The following TMA7B variants were observed in gnomAD, a reference collection of about 807,000 sequenced individuals.
The protein encoded by TMA7B is translation machinery associated 7 homolog B.
chr22:39,962,232 G>A, the TMA7B span, among the ~76,000 whole-genome samples: 1 of 152,076 alleles, frequency 6.6e-6, no homozygotes, highest in Non-Finnish European at 1.5e-5. Flanking sequence ...GAGACCAGCC[G>A]GGGCAACTAG....
chr22:39,964,419 C>G, the TMA7B span: 2 of 841,658 alleles, frequency 2.4e-6, no homozygotes, highest in Non-Finnish European at 3.9e-6. Flanking sequence ...TGAAACAGCC[C>G]AAGAAGCAGG....
At chr22:39,963,332 C>T in the TMA7B span, among the ~76,000 whole-genome samples, 1 of 152,214 alleles carries the variant, frequency 6.6e-6, no homozygotes, top group South Asian at 2.1e-4. Context: ...CCTTGTAGAC[C>T]CAGATAACCA....
the TMA7B span, chr22:39,964,492 C>T: frequency 3.9e-6 from 4 of 1,030,286 alleles, no homozygotes; most frequent in Non-Finnish European, 4.5e-6. Context: ...GCAGAAGAAA[C>T]TCGAGGTGCT....
the TMA7B span, chr22:39,960,545 C>T: frequency 4.9e-6 from 1 of 204,888 alleles, no homozygotes; most frequent in African/African-American, 2.2e-5. Flanking sequence ...AGGAGGAGAA[C>T]TCCCACTTGT....
At chr22:39,963,372 T>G in the TMA7B span, among the ~76,000 whole-genome samples, 2 of 152,144 alleles carry the variant, frequency 1.3e-5, no homozygotes, top group African/African-American at 4.8e-5. Flanking sequence ...TCCTTACAGC[T>G]TATGAGAGTA....
At chr22:39,961,441 T>G in the TMA7B span, among the ~76,000 whole-genome samples, 2 of 152,206 alleles carry the variant, frequency 1.3e-5, no homozygotes, top group East Asian at 3.9e-4. Flanking sequence ...ACATGTATAG[T>G]TGTAGGCAGC....
At chr22:39,964,669 T>C in the TMA7B span, 1 of 568,990 alleles carries the variant, frequency 1.8e-6, no homozygotes, top group Non-Finnish European at 3.1e-6. Flanking sequence ...ATAGTTGGAA[T>C]TAAGTGTCGT....
At chr22:39,964,461 C>A in the TMA7B span, 1 of 1,013,064 alleles carries the variant, frequency 9.9e-7, no homozygotes, top group East Asian at 2.5e-5. Context: ...AGAAGGCTTT[C>A]AAGCAGAAAC....
the TMA7B span, among the ~76,000 whole-genome samples, chr22:39,962,365 G>A: frequency 6.6e-6 from 1 of 152,048 alleles, no homozygotes. Flanking sequence ...AGGTTGCAGT[G>A]AGCCAAGATC....
chr22:39,961,324 G>A, the TMA7B span, among the ~76,000 whole-genome samples: 1 of 152,114 alleles, frequency 6.6e-6, no homozygotes, highest in African/African-American at 2.4e-5. Flanking sequence ...GCAGGAGAAG[G>A]CCAAAGGAAG....
chr22:39,961,988 T>G, the TMA7B span, among the ~76,000 whole-genome samples: 1 of 152,386 alleles, frequency 6.6e-6, no homozygotes, highest in South Asian at 2.1e-4. Context: ...CCTTGCAATC[T>G]TGCTTAAACT....
chr22:39,964,509 G>T, the TMA7B span: 7 of 1,009,872 alleles, frequency 6.9e-6, no homozygotes, highest in East Asian at 1.5e-4. Flanking sequence ...TGCTAAAAGC[G>T]AAGGTCGTGG....
chr22:39,962,956 A>C, the TMA7B span, among the ~76,000 whole-genome samples: 1 of 152,112 alleles, frequency 6.6e-6, no homozygotes, highest in Non-Finnish European at 1.5e-5. Context: ...GGCGCGACCC[A>C]CTGTGCCCGG....
the TMA7B span, chr22:39,964,293 A>T: frequency 1.1e-3 from 736 of 658,890 alleles, 1 homozygote; most frequent in Admixed American, 3.3e-3. Flanking sequence ...ATCACTTGTG[A>T]GTCCAGACTG....
At chr22:39,963,756 G>C in the TMA7B span, among the ~76,000 whole-genome samples, 1 of 152,164 alleles carries the variant, frequency 6.6e-6, no homozygotes, top group Non-Finnish European at 1.5e-5. Context: ...AGTGGCTCAC[G>C]CCTGTAATCC....
At chr22:39,964,177 G>T in the TMA7B span, 1 of 527,308 alleles carries the variant, frequency 1.9e-6, no homozygotes, top group Non-Finnish European at 3.3e-6. Context: ...ATCCAAAAGA[G>T]AATGACTTGG....
chr22:39,963,173 A>G, the TMA7B span, among the ~76,000 whole-genome samples: 1 of 152,184 alleles, frequency 6.6e-6, no homozygotes, highest in East Asian at 1.9e-4. Context: ...TACATCTGTC[A>G]TGGGCACAGA....
the TMA7B span, among the ~76,000 whole-genome samples, chr22:39,961,633 G>A: frequency 6.6e-6 from 1 of 152,166 alleles, no homozygotes; most frequent in South Asian, 2.1e-4. Context: ...AGCCCAGTTC[G>A]GAACACACTG....
the TMA7B span, chr22:39,964,135 A>G: frequency 4.5e-6 from 2 of 440,880 alleles, no homozygotes; most frequent in Non-Finnish European, 8.0e-6. Flanking sequence ...TTTTAGATAT[A>G]AATGTATGTC....
Sources: allele counts gnomAD v4.1 joint callset (sites outside exome capture counted in the v4.1 genomes callset), GRCh38; gene constraint gnomAD v4.1.1; transcripts MANE v1.5; gene names NCBI Gene and HGNC (gene_info 2026-07-23, HGNC 2026-07-21).